GMDS: variants seen among roughly 807,000 people sequenced by gnomAD.
The protein encoded by GMDS is GDP-mannose 4,6 dehydratase.
A neutral mutation model predicts 49.9 loss-of-function variants in GMDS; 20 were observed. That is an observed-to-expected ratio of 0.40 (90% CI 0.28 to 0.58). The LOEUF (loss-of-function observed/expected upper bound fraction) is 0.58. GMDS is among the 20% of genes least tolerant of loss of function. The pLI is 0.42. For missense variants in GMDS, 362 were observed against 481.4 expected (o/e 0.75, Z 2.32); for synonymous variants, 177 against 178.6 (o/e 0.99, Z 0.07).
intron 4 of GMDS, among the ~76,000 whole-genome samples, chr6:2,017,330 A>G (rs1436288552): frequency 2.0e-5 from 3 of 151,520 alleles, no homozygotes; most frequent in Non-Finnish European, 4.4e-5. Flanking sequence ...TCCCCCTGAG[A>G]CAGAGTCTCA....
intron 4 of GMDS, among the ~76,000 whole-genome samples, chr6:2,068,667 T>C (rs1387770793): frequency 4.6e-5 from 7 of 152,114 alleles, no homozygotes; most frequent in Non-Finnish European, 8.8e-5. Flanking sequence ...CCATTCACAA[T>C]TGCTTCAAAG....
At chr6:1,901,147 G>A (rs1226160914) in intron 7 of GMDS, among the ~76,000 whole-genome samples, 1 of 152,206 alleles carries the variant, frequency 6.6e-6, no homozygotes, top group Non-Finnish European at 1.5e-5. Context: ...CTGGTTCCGT[G>A]GCTCCCGGCT....
chr6:2,101,270 G>T (rs73716945), intron 4 of GMDS, among the ~76,000 whole-genome samples: 18,945 of 150,554 alleles, frequency 0.13, 3,138 homozygotes, highest in African/African-American at 0.38. Flanking sequence ...AAAGTTCTTA[G>T]GAAATTCTTT....
chr6:1,651,092 G>C (rs1249882606), intron 9 of GMDS, among the ~76,000 whole-genome samples: 1 of 152,222 alleles, frequency 6.6e-6, no homozygotes, highest in South Asian at 2.1e-4. Flanking sequence ...GGCTTGTCCT[G>C]AGTGGGTGCA....
At chr6:2,052,599 T>C (rs1482071627) in intron 4 of GMDS, among the ~76,000 whole-genome samples, 1 of 152,062 alleles carries the variant, frequency 6.6e-6, no homozygotes. Context: ...ACAGCCAGAG[T>C]CCTAATTTTG....
chr6:1,748,977 T>C (rs574824418), intron 7 of GMDS, among the ~76,000 whole-genome samples: 2 of 152,298 alleles, frequency 1.3e-5, no homozygotes, highest in South Asian at 4.1e-4. Flanking sequence ...GCCTTTCTAC[T>C]TATTATTATA....
At chr6:1,844,016 C>T (rs114215642) in intron 7 of GMDS, among the ~76,000 whole-genome samples, 316 of 152,268 alleles carry the variant, frequency 2.1e-3, no homozygotes, top group African/African-American at 7.1e-3. Flanking sequence ...TCACAGGGTG[C>T]GCTTTCAATG....
chr6:2,167,641 G>A (rs145303645), intron 1 of GMDS, among the ~76,000 whole-genome samples: 126 of 151,794 alleles, frequency 8.3e-4, no homozygotes, highest in Non-Finnish European at 1.5e-3. Flanking sequence ...ACCCTCACAC[G>A]TAATATGCCC....
chr6:2,138,160 C>A (rs1562089697), intron 1 of GMDS, among the ~76,000 whole-genome samples: 1 of 152,142 alleles, frequency 6.6e-6, no homozygotes, highest in Non-Finnish European at 1.5e-5. Flanking sequence ...AAAATTACAA[C>A]ATTTATTTAT....
At chr6:1,987,551 A>G (rs1180044137) in intron 4 of GMDS, among the ~76,000 whole-genome samples, 1 of 152,178 alleles carries the variant, frequency 6.6e-6, no homozygotes, top group Non-Finnish European at 1.5e-5. Flanking sequence ...ACAAGCAAAA[A>G]TCCCTGCCTT....
intron 4 of GMDS, among the ~76,000 whole-genome samples, chr6:2,070,380 G>A (rs928670671): frequency 7.3e-5 from 11 of 151,354 alleles, no homozygotes; most frequent in Admixed American, 2.6e-4. Flanking sequence ...TAACTAACCT[G>A]CACATTGTGC....
At chr6:1,840,842 C>T (rs987531759) in intron 7 of GMDS, among the ~76,000 whole-genome samples, 1 of 152,146 alleles carries the variant, frequency 6.6e-6, no homozygotes. Flanking sequence ...CAACAAACAG[C>T]GTTCGGGTTG....
At chr6:1,714,209 G>A (rs115672353) in intron 9 of GMDS, among the ~76,000 whole-genome samples, 2,486 of 152,150 alleles carry the variant, frequency 0.016, 69 homozygotes, top group African/African-American at 0.055. Context: ...TAGTACAGAC[G>A]GGATTTCACT....
At chr6:2,189,341 G>T (rs1778916380) in intron 1 of GMDS, among the ~76,000 whole-genome samples, 1 of 152,186 alleles carries the variant, frequency 6.6e-6, no homozygotes. Flanking sequence ...TTTACCTGTG[G>T]TGACTTTCAG....
intron 6 of GMDS, among the ~76,000 whole-genome samples, chr6:1,959,090 G>A (rs1159135640): frequency 6.6e-6 from 1 of 152,136 alleles, no homozygotes; most frequent in Non-Finnish European, 1.5e-5. Flanking sequence ...TGACTTCAAG[G>A]GAGTGGGGAA....
chr6:2,056,970 T>C (rs1770816428), intron 4 of GMDS, among the ~76,000 whole-genome samples: 1 of 152,220 alleles, frequency 6.6e-6, no homozygotes, highest in Admixed American at 6.5e-5. Flanking sequence ...TCCATTTCTG[T>C]ATAAATACAG....
intron 9 of GMDS, among the ~76,000 whole-genome samples, chr6:1,634,790 TGA>T (rs1233823913): frequency 2.0e-5 from 3 of 151,644 alleles, no homozygotes; most frequent in African/African-American, 7.3e-5. Flanking sequence ...ACAGATGTGG[TGA>T]GAGACGATGG....
intron 4 of GMDS, among the ~76,000 whole-genome samples, chr6:2,108,803 G>T (rs1406933306): frequency 3.9e-5 from 6 of 152,168 alleles, no homozygotes; most frequent in Admixed American, 6.5e-5. Flanking sequence ...ATCTGGGCTG[G>T]AGACTAGGTA....
intron 7 of GMDS, among the ~76,000 whole-genome samples, chr6:1,799,685 G>A (rs1193415887): frequency 6.6e-6 from 1 of 152,106 alleles, no homozygotes. Flanking sequence ...TAAAACTGGA[G>A]GGAGACTCCA....
Sources: allele counts gnomAD v4.1 joint callset (sites outside exome capture counted in the v4.1 genomes callset), GRCh38; gene constraint gnomAD v4.1.1; transcripts MANE v1.5; gene names NCBI Gene and HGNC (gene_info 2026-07-23, HGNC 2026-07-21).